The following CNTN5 variants were observed in gnomAD, a reference collection of about 807,000 sequenced individuals.
The protein encoded by CNTN5 is contactin-5.
Under a neutral mutation model 129.1 loss-of-function variants are expected in CNTN5, and 77 were observed. The observed-to-expected ratio is 0.60, with a 90% confidence interval of 0.50 to 0.72. The LOEUF is 0.72. Ranked by LOEUF, CNTN5 falls within the 30% of genes least tolerant of loss-of-function variation. The pLI is 0.00. For synonymous variants in CNTN5, 509 were observed against 465.6 expected, an observed-to-expected ratio of 1.09 and a Z score of -1.20; for missense variants, 1,478 against 1,328.8, an observed-to-expected ratio of 1.11 and a Z score of -1.75.
At chr11:100,302,161 T>G (rs992787823) in intron 20 of CNTN5, among the ~76,000 whole-genome samples, 19 of 151,734 alleles carry the variant, frequency 1.3e-4, no homozygotes, top group Admixed American at 1.2e-3. Flanking sequence ...AAATCAACAT[T>G]CTTTTTTAGT....
intron 9 of CNTN5, among the ~76,000 whole-genome samples, chr11:100,044,219 C>CA (rs1018170259): frequency 2.6e-5 from 4 of 151,400 alleles, no homozygotes; most frequent in African/African-American, 7.3e-5. Flanking sequence ...CTTTAATTTC[C>CA]AGTCAGTCAT....
chr11:99,128,862 T>C (rs1858784797), intron 1 of CNTN5, among the ~76,000 whole-genome samples: 1 of 152,078 alleles, frequency 6.6e-6, no homozygotes, highest in African/African-American at 2.4e-5. Context: ...GCAGCAGACC[T>C]GCAGAGGAGG....
intron 3 of CNTN5, among the ~76,000 whole-genome samples, chr11:99,591,140 C>T (rs1041830188): frequency 1.3e-5 from 2 of 151,908 alleles, no homozygotes; most frequent in Non-Finnish European, 2.9e-5. Flanking sequence ...CTTTACGAGA[C>T]GTTTAGTTGA....
rs889001621 is a variant in CNTN5 at position 99,054,129 on chromosome 11, G to T, written c.-210+32859G>T. Among the ~76,000 whole-genome samples, 9 of 151,940 alleles carry T rather than the reference G, an allele frequency of 5.9e-5. 1 individual carries two copies. The highest frequency in any genetic ancestry group is 5.9e-4 in the Admixed American group (9 of 15,206). ...CAGGAGTTTAGTCTTCAGGATGCAAGAACTAGGACTGGGACAAACCCTTGA... is the reference window on the plus strand; with the variant it reads ...CAGGAGTTTAGTCTTCAGGATGCAATAACTAGGACTGGGACAAACCCTTGA... On this transcript the variant is annotated intron_variant, in intron 1 of 24. Coordinates refer to ENST00000524871, the MANE Select transcript of CNTN5 (RefSeq NM_014361.4).
chr11:99,373,711 C>CAAAAAA, intron 2 of CNTN5, among the ~76,000 whole-genome samples: 1 of 95,962 alleles, frequency 1.0e-5, no homozygotes, highest in Non-Finnish European at 2.0e-5. Context: ...AACTCCGTCT[C>CAAAAAA]AAAAAAAAAA....
chr11:100,310,103 A>C (rs1256987222), intron 21 of CNTN5, among the ~76,000 whole-genome samples: 2 of 151,910 alleles, frequency 1.3e-5, no homozygotes, highest in Non-Finnish European at 2.9e-5. Flanking sequence ...CTCACAGTAA[A>C]TAATATGCAC....
intron 2 of CNTN5, among the ~76,000 whole-genome samples, chr11:99,495,759 A>G (rs182997962): frequency 1.3e-5 from 2 of 152,278 alleles, no homozygotes; most frequent in African/African-American, 4.8e-5. Context: ...AATCCAGAAG[A>G]GCAATTGAGA....
chr11:99,328,870 C>CAAAAAAAAAAAAAAAAAAAAAAA (rs10542347), intron 2 of CNTN5, among the ~76,000 whole-genome samples: 1 of 87,652 alleles, frequency 1.1e-5, no homozygotes, highest in Non-Finnish European at 2.2e-5. Flanking sequence ...AACTCCATCT[C>CAAAAAAAAAAAAAAAAAAAAAAA]AAAAAAAAAA....
chr11:99,992,485 G>A (rs1295831330), intron 8 of CNTN5, among the ~76,000 whole-genome samples: 1 of 152,160 alleles, frequency 6.6e-6, no homozygotes, highest in Non-Finnish European at 1.5e-5. Context: ...CAAGTCACAT[G>A]AGAAAAATCA....
At chr11:100,225,639 T>C (rs1160075603) in intron 16 of CNTN5, among the ~76,000 whole-genome samples, 1 of 152,084 alleles carries the variant, frequency 6.6e-6, no homozygotes, top group African/African-American at 2.4e-5. Flanking sequence ...ACCATATAAC[T>C]ATCATTCAAA....
At chr11:99,400,407 C>CT (rs926526918) in intron 2 of CNTN5, among the ~76,000 whole-genome samples, 4 of 151,980 alleles carry the variant, frequency 2.6e-5, no homozygotes, top group South Asian at 2.1e-4. Flanking sequence ...GAATTTCATT[C>CT]TTTTTTTATG....
rs201336873 is a variant in CNTN5, at chr11:100,196,807, C to CT, written c.1884+3152dup. Among the ~76,000 whole-genome samples the CT allele has an allele frequency of 8.8e-3, 1,341 of 151,606 alleles. 25 individuals carry two copies. The highest frequency in any genetic ancestry group is 0.03 in the African/African-American group (1,256 of 41,382). On this transcript the variant is annotated intron_variant, in intron 15 of 24. Transcript: ENST00000524871. The stretch of plus-strand genomic sequence containing the variant: ...ACATTTGATCCAATTCATCCAAATC[C>CT]TTTTTTTTGGCAAATTTTATGAATA...
In CNTN5 at chr11:99,797,501, G is replaced by T. The variant is rs77174919; in HGVS notation, c.56-22043G>T. ...CTTGTGTGAGATGGTGTTTCACTGT[G>T]GTTTTGATTAGCATTTCTATGATGA... is the stretch of plus-strand genomic sequence containing the variant. On this transcript the variant is annotated intron_variant, in intron 3 of 24. Coordinates refer to ENST00000524871, the MANE Select transcript of CNTN5 (RefSeq NM_014361.4). 4.7e-3 allele frequency among the ~76,000 whole-genome samples: 721 copies of T among 152,106 alleles called. 11 individuals are homozygous for T. The highest frequency in any genetic ancestry group is 0.014 in the African/African-American group (579 of 41,478).
At chr11:99,772,594 A>G (rs1389329779) in intron 3 of CNTN5, among the ~76,000 whole-genome samples, 1 of 152,102 alleles carries the variant, frequency 6.6e-6, no homozygotes, top group Admixed American at 6.6e-5. Flanking sequence ...CTAATAAAGG[A>G]CAACTTTGAT....
chr11:99,691,585 C>T (rs986542012), intron 3 of CNTN5, among the ~76,000 whole-genome samples: 1 of 152,052 alleles, frequency 6.6e-6, no homozygotes, highest in Non-Finnish European at 1.5e-5. Flanking sequence ...ATCTTGAGTT[C>T]TAATTTGATT....
chr11:99,144,761 C>T (rs1022555500), intron 1 of CNTN5, among the ~76,000 whole-genome samples: 4 of 151,606 alleles, frequency 2.6e-5, no homozygotes, highest in African/African-American at 9.7e-5. Flanking sequence ...TCCAGTATGT[C>T]TTTTTTTAAT....
intron 2 of CNTN5, among the ~76,000 whole-genome samples, chr11:99,547,003 C>CTTTTT (rs59675284): frequency 1.6e-5 from 2 of 128,644 alleles, no homozygotes; most frequent in African/African-American, 2.9e-5. Flanking sequence ...AAATTATTTT[C>CTTTTT]TTTTTTTTTT....
intron 3 of CNTN5, among the ~76,000 whole-genome samples, chr11:99,769,556 A>G (rs1944872298): frequency 2.0e-5 from 3 of 152,040 alleles, no homozygotes; most frequent in South Asian, 2.1e-4. Flanking sequence ...TTTGCCTTAC[A>G]TATAGATGAA....
intron 9 of CNTN5, among the ~76,000 whole-genome samples, chr11:100,041,472 C>A (rs1020716145): frequency 6.6e-6 from 1 of 152,146 alleles, no homozygotes; most frequent in Non-Finnish European, 1.5e-5. Context: ...ATATACATGG[C>A]GTTATTTCAG....
Sources: gnomAD v4.1 joint callset for allele counts (sites outside exome capture counted in the v4.1 genomes callset) on GRCh38, gnomAD v4.1.1 for gene constraint, MANE v1.5 for transcripts, NCBI Gene and HGNC (gene_info 2026-07-23, HGNC 2026-07-21) for gene names.